SLC35D1: variants seen among roughly 807,000 people sequenced by gnomAD.
SLC35D1 encodes solute carrier family 35 member D1.
SLC35D1 carries 31 observed loss-of-function variants against 46.7 expected under a neutral mutation model. That is an observed-to-expected ratio of 0.66 (90% CI 0.50 to 0.90). The LOEUF is 0.90. SLC35D1 is among the 40% of genes least tolerant of loss of function. The pLI is 0.00. For synonymous variants in SLC35D1, 195 were observed against 164.6 expected, an observed-to-expected ratio of 1.18 and a Z score of -1.41; for missense variants, 397 against 426.2, an observed-to-expected ratio of 0.93 and a Z score of 0.60.
downstream of SLC35D1, among the ~76,000 whole-genome samples, chr1:66,997,591 A>T (rs1317990216): frequency 4.1e-5 from 6 of 144,694 alleles, no homozygotes; most frequent in East Asian, 1.2e-3. Flanking sequence ...ACACACAGAT[A>T]TAGAGATGTA....
In SLC35D1 at chr1:67,049,816, A is replaced by G. The variant is rs745859084; in HGVS notation, c.499T>C (p.Phe167Leu). 7.4e-6 allele frequency: 12 copies of G among 1,613,890 alleles called. No individual in the cohort carries two copies. The Admixed American group carries it at 2.0e-4, about 27-fold the overall frequency. The part of the protein sequence containing the change: ...TFSWGIKMTV[F>L]AMIIGAFVAA... Reference sequence around the variant, plus strand: ...ACAAAGGCTCCAATAATCATTGCAAATACAGTCATTTTAATACCCCAAGAA... The same window carrying G: ...ACAAAGGCTCCAATAATCATTGCAAGTACAGTCATTTTAATACCCCAAGAA... The change falls in exon 6 of 12, where the codon TTT becomes CTT. Residue 167 changes from phenylalanine to leucine, a missense_variant. Phe to Leu is a conservative substitution (Grantham distance 22). Coordinates refer to ENST00000235345, the MANE Select transcript of SLC35D1 (RefSeq NM_015139.3).
chr1:66,974,067 C>T, the SLC35D1 span, among the ~76,000 whole-genome samples: 7 of 151,572 alleles, frequency 4.6e-5, no homozygotes, highest in East Asian at 3.9e-4. Flanking sequence ...TAAATTTTGT[C>T]GTGCATTAAC....
At chr1:66,991,232 GTTAAA>G in the SLC35D1 span, among the ~76,000 whole-genome samples, 19 of 152,274 alleles carry the variant, frequency 1.2e-4, no homozygotes, top group African/African-American at 4.1e-4. Flanking sequence ...GGGTTGCCTG[GTTAAA>G]TTATGGAAAA....
chr1:67,038,049 A>G (rs1668159367), intron 8 of SLC35D1, among the ~76,000 whole-genome samples: 1 of 152,220 alleles, frequency 6.6e-6, no homozygotes. Flanking sequence ...GGTTAGAAAC[A>G]TAACAGTGTC....
chr1:66,988,272 TGAC>T, the SLC35D1 span: 5 of 152,354 alleles, frequency 3.3e-5, no homozygotes, highest in South Asian at 4.1e-4. Flanking sequence ...TCTCTCAAAA[TGAC>T]TTTTTCTGTA....
chr1:66,986,524 G>GA, the SLC35D1 span: 304 of 1,352,774 alleles, frequency 2.2e-4, no homozygotes, highest in Admixed American at 1.3e-3. Context: ...GTAATTGAGT[G>GA]AAGGTTTGCA....
intron 9 of SLC35D1, 99 bp from the exon 10 acceptor site, chr1:67,020,546 C>G: frequency 1.2e-6 from 1 of 836,452 alleles, no homozygotes; most frequent in Non-Finnish European, 2.1e-6. Context: ...ACATTCTAGT[C>G]ACTGACCAGC....
At chr1:66,981,819 G>GC in the SLC35D1 span, 2 of 1,613,956 alleles carry the variant, frequency 1.2e-6, no homozygotes, top group Non-Finnish European at 1.7e-6. Context: ...TGAAAGTGCT[G>GC]CATCTAGTCG....
rs6679407 is a variant in SLC35D1 at position 67,031,187 on chromosome 1, T to C, written c.730-9585A>G. Among the ~76,000 whole-genome samples the C allele has an allele frequency of 5.7e-3, 875 of 152,288 alleles. 12 individuals are homozygous for C. Among genetic ancestry groups the C allele is most frequent in the African/African-American group, 0.02 (837 of 41,562 alleles). ...ATCAAAAACAGAAAAATAATTCTCA[T>C]GGGACTTTTTTTTTATTTCTCTAAG... On this transcript the variant is annotated intron_variant, in intron 8 of 11. Transcript: ENST00000235345.
the SLC35D1 span, among the ~76,000 whole-genome samples, chr1:66,991,800 TTTTTA>T: frequency 6.6e-6 from 1 of 151,792 alleles, no homozygotes; most frequent in Non-Finnish European, 1.5e-5. Context: ...ACAGCTTTTT[TTTTTA>T]TATCATACCA....
At chr1:67,004,548 A>G (rs2102226178) in intron 11 of SLC35D1, 100 bp from the exon 12 acceptor site, 1 of 947,964 alleles carries the variant, frequency 1.1e-6, no homozygotes, top group Non-Finnish European at 1.7e-6. Context: ...TTAGATGAAG[A>G]GTAAAGTTTC....
At chr1:66,986,430 AT>A in the SLC35D1 span, 1 of 1,613,082 alleles carries the variant, frequency 6.2e-7, no homozygotes, top group Non-Finnish European at 8.5e-7. Flanking sequence ...CTTCCAGTTC[AT>A]TTTTCAGCCA....
the SLC35D1 span, chr1:66,986,702 A>C: frequency 5.2e-6 from 2 of 388,118 alleles, no homozygotes; most frequent in Non-Finnish European, 9.2e-6. Context: ...TTACATACAT[A>C]TCTAAGTAAA....
intron 8 of SLC35D1, among the ~76,000 whole-genome samples, chr1:67,031,584 C>T (rs918216373): frequency 6.6e-6 from 1 of 152,086 alleles, no homozygotes; most frequent in Admixed American, 6.5e-5. Flanking sequence ...AACATGTTCT[C>T]AATTTTTTTT....
chr1:67,053,758 C>T (rs985818228), intron 1 of SLC35D1, 53 bp downstream of exon 1: 9 of 1,420,346 alleles, frequency 6.3e-6, no homozygotes, highest in African/African-American at 3.0e-5. Flanking sequence ...GCCGCGCCGC[C>T]GCCGCCGCCC....
At chr1:66,976,291 C>T in the SLC35D1 span, among the ~76,000 whole-genome samples, 10 of 152,302 alleles carry the variant, frequency 6.6e-5, no homozygotes, top group African/African-American at 1.7e-4. Flanking sequence ...CGTGAGCCAC[C>T]GTGCCCGGCC....
chr1:67,045,012 T>A (rs1292115051), intron 7 of SLC35D1, among the ~76,000 whole-genome samples: 1 of 152,034 alleles, frequency 6.6e-6, no homozygotes, highest in Non-Finnish European at 1.5e-5. Flanking sequence ...TGTAAAGGTG[T>A]GCCTCATGTG....
intron 10 of SLC35D1, among the ~76,000 whole-genome samples, chr1:67,019,915 C>A (rs1667762268): frequency 6.6e-6 from 1 of 152,154 alleles, no homozygotes; most frequent in African/African-American, 2.4e-5. Flanking sequence ...ATGTCAGACA[C>A]AGCTTTCAAA....
intron 8 of SLC35D1, among the ~76,000 whole-genome samples, chr1:67,022,889 T>C (rs1203375038): frequency 6.6e-6 from 1 of 152,228 alleles, no homozygotes; most frequent in African/African-American, 2.4e-5. Flanking sequence ...TCTGTTACTA[T>C]AACTTCGCTG....
Sources: gnomAD v4.1 joint callset for allele counts (sites outside exome capture counted in the v4.1 genomes callset) on GRCh38, gnomAD v4.1.1 for gene constraint, MANE v1.5 for transcripts, NCBI Gene and HGNC (gene_info 2026-07-23, HGNC 2026-07-21) for gene names.